Variants in SAMD3 observed in about 807,000 individuals in gnomAD.
SAMD3 encodes sterile alpha motif domain containing 3.
In SAMD3, 63 loss-of-function variants were observed where a neutral mutation model predicts 58.5. That is an observed-to-expected ratio of 1.08 (90% CI 0.88 to 1.33). The LOEUF (loss-of-function observed/expected upper bound fraction) is 1.33. Ranked by LOEUF, SAMD3 falls within the 40% of genes most tolerant of loss-of-function variation. SAMD3 has a pLI of 0.00. For synonymous variants in SAMD3, 220 were observed against 210.3 expected (o/e 1.05, Z -0.40); for missense variants, 604 against 608.4 (o/e 0.99, Z 0.08).
chr6:130,247,228 G>A (rs1315521414), intron 2 of SAMD3, among the ~76,000 whole-genome samples: 2 of 152,170 alleles, frequency 1.3e-5, no homozygotes, highest in Non-Finnish European at 2.9e-5. Context: ...CCAACACTTT[G>A]AGAGGCCGAG....
At position 130,199,322 on chromosome 6, in the gene SAMD3, A is replaced by T. The variant is rs190917372; in HGVS notation, c.383+10173T>A. 2.4e-4 allele frequency among the ~76,000 whole-genome samples: 36 copies of T among 152,316 alleles called. No homozygotes were observed. In the East Asian group the frequency reaches 4.0e-3, roughly 17 times the overall value. ...CTACATCCAAGCCTGCAGACTTTAT[A>T]CACTGAAAATGGTATAGATTGGGAT... On this transcript the variant is annotated intron_variant, in intron 5 of 11. Transcript: ENST00000439090.
chr6:130,345,535 A>G (rs1375239347), intron 1 of SAMD3, among the ~76,000 whole-genome samples: 1 of 151,928 alleles, frequency 6.6e-6, no homozygotes, highest in East Asian at 1.9e-4. Context: ...AGGTAAAATT[A>G]TGGATGAGAT....
chr6:130,348,247 T>C (rs1777522975), intron 1 of SAMD3, among the ~76,000 whole-genome samples: 1 of 152,132 alleles, frequency 6.6e-6, no homozygotes, highest in Non-Finnish European at 1.5e-5. Flanking sequence ...TAAATGTAAA[T>C]GGATTAAATG....
intron 1 of SAMD3, among the ~76,000 whole-genome samples, chr6:130,314,161 G>A (rs1367992053): frequency 6.6e-6 from 1 of 152,090 alleles, no homozygotes; most frequent in Non-Finnish European, 1.5e-5. Context: ...GTTATTAATG[G>A]TTTTGGTTAA....
At chr6:130,317,322 A>G (rs1407337175) in intron 1 of SAMD3, among the ~76,000 whole-genome samples, 1 of 152,210 alleles carries the variant, frequency 6.6e-6, no homozygotes, top group Non-Finnish European at 1.5e-5. Context: ...AAGAACCACA[A>G]AGAGCTCACA....
intron 2 of SAMD3, among the ~76,000 whole-genome samples, chr6:130,255,698 G>C (rs1450342234): frequency 6.6e-6 from 1 of 151,680 alleles, no homozygotes; most frequent in East Asian, 1.9e-4. Flanking sequence ...CTGACTACAT[G>C]GCACAGGCTT....
At chr6:130,174,738 GCA>G (rs1472215295) in intron 8 of SAMD3, among the ~76,000 whole-genome samples, 1 of 152,084 alleles carries the variant, frequency 6.6e-6, no homozygotes, top group East Asian at 1.9e-4. Context: ...TTCTTTTAGG[GCA>G]CCTTTCAGCT....
chr6:130,172,822 C>T (rs1257064869), intron 8 of SAMD3, among the ~76,000 whole-genome samples: 1 of 152,154 alleles, frequency 6.6e-6, no homozygotes, highest in African/African-American at 2.4e-5. Flanking sequence ...TTCCATTCTC[C>T]CTGTCACTTT....
At chr6:130,272,131 A>G (rs1224386410) in intron 2 of SAMD3, among the ~76,000 whole-genome samples, 1 of 152,206 alleles carries the variant, frequency 6.6e-6, no homozygotes, top group Non-Finnish European at 1.5e-5. Flanking sequence ...TTACGTTTAA[A>G]GTTTTGATTC....
In SAMD3 at chr6:130,184,481, C is replaced by G; in HGVS notation, c.526G>C (p.Glu176Gln). 1 of 1,614,178 alleles carries G rather than the reference C, an allele frequency of 6.2e-7. No individual in the cohort carries two copies. Among genetic ancestry groups the G allele is most frequent in the Non-Finnish European group, 8.5e-7 (1 of 1,180,008 alleles). The stretch of plus-strand genomic sequence containing the variant: ...TTAGTCATGTCGGCCTGGAGAAACT[C>G]AATGATCCTTATCCTCATGCTGTGA... ...PDHSMRIRII[E>Q]FLQADMTKYL... Residue 176 changes from glutamate (E) to glutamine (Q), a missense_variant, in exon 6 of 12, where the codon GAG (glutamate) becomes CAG (glutamine). Transcript: ENST00000439090.
rs762204160 is a variant in SAMD3 at position 130,155,040 on chromosome 6, C to T, written c.823-15G>A. ...ACAGCTTCTTCCTGCAAAACATTTT[C>T]AACATATCAATGGATTCCATGTTTC... On this transcript the variant is annotated splice_polypyrimidine_tract_variant and intron_variant, in intron 8 of 11. Transcript: ENST00000439090. The T allele has an allele frequency of 9.4e-6, 15 of 1,603,796 alleles. No individual in the cohort carries two copies. The highest frequency in any genetic ancestry group is 1.3e-5 in the Non-Finnish European group (15 of 1,171,708).
chr6:130,184,526 C>A lies in SAMD3; in HGVS notation c.481G>T (p.Ala161Ser). 1 of 1,614,160 alleles carries A rather than the reference C, an allele frequency of 6.2e-7. No homozygotes were observed. The highest frequency in any genetic ancestry group is 1.6e-4 in the Middle Eastern group (1 of 6,062). The change falls in exon 6 of 12, where the codon GCA becomes TCA. Residue 161 changes from alanine (A) to serine (S), a missense_variant. By Grantham distance (99) the Ala-to-Ser change is moderately conservative. Coordinates refer to ENST00000439090, the MANE Select transcript of SAMD3 (RefSeq NM_001017373.4). Reference sequence around the variant, plus strand: ...CTGTGATCCGGGCACTTCTGCTCTGCTAACATGCATTTGACATCATAGGGA... The same window carrying A: ...CTGTGATCCGGGCACTTCTGCTCTGATAACATGCATTTGACATCATAGGGA... Reference protein sequence around the residue: ...EFPYDVKCMLAEQKCPDHSMR... With the variant: ...EFPYDVKCMLSEQKCPDHSMR...
rs193215332 is a variant in SAMD3, at chr6:130,260,587, T to A, written c.-187-37774A>T. Among the ~76,000 whole-genome samples the A allele has an allele frequency of 4.6e-5, 7 of 152,338 alleles. No homozygotes were observed. The East Asian group carries it at 9.7e-4, about 21-fold the overall frequency. On this transcript the variant is annotated intron_variant, in intron 2 of 13. Transcript: ENST00000368134. The stretch of plus-strand genomic sequence containing the variant: ...TCTTTAACTCAGTGTCTGAGGAGTT[T>A]TGTCTGCAGCTGGCCCTGCTACATT...
intron 2 of SAMD3, among the ~76,000 whole-genome samples, chr6:130,275,145 TTC>T (rs1443704885): frequency 6.6e-6 from 1 of 152,194 alleles, no homozygotes; most frequent in East Asian, 1.9e-4. Context: ...TTCTGTATTT[TTC>T]TCTTTGATTC....
At chr6:130,213,237 G>T (rs1795720663) in intron 4 of SAMD3, among the ~76,000 whole-genome samples, 2 of 152,010 alleles carry the variant, frequency 1.3e-5, no homozygotes, top group Non-Finnish European at 2.9e-5. Flanking sequence ...ATTCGAAGCT[G>T]CCGTGAGCTA....
intron 2 of SAMD3, among the ~76,000 whole-genome samples, chr6:130,260,497 C>T (rs1288198552): frequency 6.6e-6 from 1 of 152,242 alleles, no homozygotes; most frequent in African/African-American, 2.4e-5. Flanking sequence ...GAATTGCTCA[C>T]TTGGGGAGCT....
intron 2 of SAMD3, among the ~76,000 whole-genome samples, chr6:130,292,499 C>T (rs1338926685): frequency 6.6e-6 from 1 of 151,590 alleles, no homozygotes; most frequent in Non-Finnish European, 1.5e-5. Flanking sequence ...GTTGGCCGGG[C>T]TGGTCTCGAA....
intron 1 of SAMD3, among the ~76,000 whole-genome samples, chr6:130,313,520 C>G (rs1266117288): frequency 6.6e-6 from 1 of 152,202 alleles, no homozygotes; most frequent in African/African-American, 2.4e-5. Context: ...TGTAAGCAAT[C>G]TGGGAGACAA....
At chr6:130,328,391 G>T (rs1237739606) in intron 1 of SAMD3, among the ~76,000 whole-genome samples, 1 of 152,122 alleles carries the variant, frequency 6.6e-6, no homozygotes, top group African/African-American at 2.4e-5. Context: ...GTTTCAATTT[G>T]AAATTCACTT....
Sources: allele counts gnomAD v4.1 joint callset (sites outside exome capture counted in the v4.1 genomes callset), GRCh38; gene constraint gnomAD v4.1.1; transcripts MANE v1.5; gene names NCBI Gene and HGNC (gene_info 2026-07-23, HGNC 2026-07-21).